DLG1: variants seen among roughly 807,000 people sequenced by gnomAD.
The protein encoded by DLG1 is disks large homolog 1.
In DLG1, 42 loss-of-function variants were observed where a neutral mutation model predicts 123.4. That is an observed-to-expected ratio of 0.34 (90% confidence interval 0.27 to 0.44). DLG1 has a LOEUF of 0.44. Among genes scored for constraint, DLG1 ranks in the 20% least tolerant of loss-of-function variants. The probability of loss-of-function intolerance (pLI) is 1.00; values close to 1 mark genes in which losing one functional copy is unlikely to be tolerated. For synonymous variants in DLG1, 317 were observed against 356.2 expected, an observed-to-expected ratio of 0.89 and a Z score of 1.24; for missense variants, 942 against 1,082.6, an observed-to-expected ratio of 0.87 and a Z score of 1.82.
intron 11 of DLG1, among the ~76,000 whole-genome samples, chr3:197,126,122 G>A (rs1778954733): frequency 6.6e-6 from 1 of 152,184 alleles, no homozygotes; most frequent in Admixed American, 6.5e-5. Context: ...AGTTGAAACT[G>A]CAAGGTGAAT....
intron 4 of DLG1, among the ~76,000 whole-genome samples, chr3:197,268,184 T>C (rs1762484001): frequency 6.6e-6 from 1 of 152,164 alleles, no homozygotes; most frequent in African/African-American, 2.4e-5. Context: ...GATACAGATA[T>C]AGAGCAATCA....
chr3:197,143,733 G>A (rs1419601248), intron 6 of DLG1, among the ~76,000 whole-genome samples: 5 of 152,088 alleles, frequency 3.3e-5, no homozygotes, highest in African/African-American at 4.8e-5. Context: ...AACCCTTTCT[G>A]TGAACGACTT....
At chr3:197,123,972 G>A (rs1405619299) in intron 11 of DLG1, among the ~76,000 whole-genome samples, 1 of 152,200 alleles carries the variant, frequency 6.6e-6, no homozygotes, top group Non-Finnish European at 1.5e-5. Flanking sequence ...ATTAAATAAA[G>A]AGGTCAGGTG....
chr3:197,204,711 G>A (rs575268472), intron 4 of DLG1, among the ~76,000 whole-genome samples: 2 of 152,184 alleles, frequency 1.3e-5, no homozygotes, highest in East Asian at 1.9e-4. Context: ...AACTATTTAC[G>A]TAGCATTTAC....
chr3:197,159,343 T>C (rs1393835732), intron 5 of DLG1, among the ~76,000 whole-genome samples: 1 of 152,206 alleles, frequency 6.6e-6, no homozygotes, highest in Non-Finnish European at 1.5e-5. Context: ...CTATATACTT[T>C]TTAAAAAGTT....
At chr3:197,114,773 G>A (rs1772153904) in intron 13 of DLG1, among the ~76,000 whole-genome samples, 1 of 152,070 alleles carries the variant, frequency 6.6e-6, no homozygotes, top group South Asian at 2.1e-4. Context: ...ACGAGGTCAG[G>A]AGATCGAGAC....
intron 12 of DLG1, among the ~76,000 whole-genome samples, chr3:197,117,039 A>AG (rs1773673693): frequency 6.6e-6 from 1 of 152,214 alleles, no homozygotes. Context: ...CAGTATTTCC[A>AG]GGGGAAAATA....
rs759993817 is a variant in DLG1 at position 197,090,956 on chromosome 3, C to T, written c.1617G>A (p.Gly539=). 8.7e-6 allele frequency: 14 copies of T among 1,611,998 alleles called. No individual in the cohort carries two copies. Among genetic ancestry groups the T allele is most frequent in the Non-Finnish European group, 1.2e-5 (14 of 1,178,660 alleles). ...EQMMNSSISS[G]SGSLRTSQKR... ...TCTGGCTAGTTCGAAGAGAACCTGA[C>T]CCTGAACTAATACTACTATTCATCA... Residue 539 remains glycine, a synonymous_variant, in exon 15 of 25, where the codon GGG becomes GGA. Transcript: ENST00000667157.
chr3:197,095,300 G>A (rs1179055891), intron 14 of DLG1, among the ~76,000 whole-genome samples: 1 of 151,906 alleles, frequency 6.6e-6, no homozygotes, highest in African/African-American at 2.4e-5. Context: ...CTAATGCTCG[G>A]ATCCCTATGA....
At chr3:197,149,639 G>C (rs1167123672) in intron 6 of DLG1, 104 bp downstream of exon 6, 6 of 789,262 alleles carry the variant, frequency 7.6e-6, no homozygotes, top group Non-Finnish European at 1.1e-5. Context: ...AACATCTTAA[G>C]AGAAATGTAT....
chr3:197,295,533 C>T (rs954657035), intron 3 of DLG1, among the ~76,000 whole-genome samples: 1 of 151,536 alleles, frequency 6.6e-6, no homozygotes, highest in Non-Finnish European at 1.5e-5. Flanking sequence ...CTTTCTAGTT[C>T]GGTGGTTTGC....
chr3:197,284,161 C>G (rs980666507), intron 3 of DLG1, among the ~76,000 whole-genome samples: 14 of 152,078 alleles, frequency 9.2e-5, no homozygotes, highest in Middle Eastern at 3.4e-3. Flanking sequence ...GCACCCAGCC[C>G]CCTTTCAGTT....
intron 5 of DLG1, among the ~76,000 whole-genome samples, chr3:197,175,092 G>A (rs1195123264): frequency 6.6e-6 from 1 of 152,196 alleles, no homozygotes; most frequent in African/African-American, 2.4e-5. Flanking sequence ...GGCAAGTTGC[G>A]TGTATAGGCT....
At chr3:197,085,392 T>TA in intron 16 of DLG1, 188 bp downstream of exon 16, 1 of 587,968 alleles carries the variant, frequency 1.7e-6, no homozygotes, top group Non-Finnish European at 3.0e-6. Flanking sequence ...TTCTTCTCTG[T>TA]ATGACTTCGA....
intron 5 of DLG1, among the ~76,000 whole-genome samples, chr3:197,192,362 A>T (rs1252597913): frequency 2.6e-5 from 4 of 152,218 alleles, no homozygotes; most frequent in Non-Finnish European, 5.9e-5. Flanking sequence ...AGAAACATTT[A>T]TAAAAGAATA....
chr3:197,147,920 C>T (rs993508267), intron 6 of DLG1, among the ~76,000 whole-genome samples: 15 of 150,008 alleles, frequency 1.0e-4, no homozygotes, highest in South Asian at 6.3e-4. Flanking sequence ...TAAACTATCT[C>T]TATTTGCCAG....
chr3:197,142,168 G>GT (rs1788382107), intron 7 of DLG1, among the ~76,000 whole-genome samples: 1 of 152,134 alleles, frequency 6.6e-6, no homozygotes, highest in Non-Finnish European at 1.5e-5. Flanking sequence ...CATGTTACTA[G>GT]TATACTACTT....
At chr3:197,079,860 T>C (rs1163703192) in intron 17 of DLG1, among the ~76,000 whole-genome samples, 2 of 152,140 alleles carry the variant, frequency 1.3e-5, no homozygotes, top group Non-Finnish European at 2.9e-5. Context: ...ACCAAAGATA[T>C]TTCTCATCTT....
chr3:197,218,451 C>T (rs3010116), intron 4 of DLG1, among the ~76,000 whole-genome samples: 114,883 of 152,052 alleles, frequency 0.76, 43,514 homozygotes, highest in East Asian at 0.82. Context: ...TTAAAATAGA[C>T]TCATTTTCTT....
Sources: gnomAD v4.1 joint callset for allele counts (sites outside exome capture counted in the v4.1 genomes callset) on GRCh38, gnomAD v4.1.1 for gene constraint, MANE v1.5 for transcripts, NCBI Gene and HGNC (gene_info 2026-07-23, HGNC 2026-07-21) for gene names.